The following NFIA variants were observed in gnomAD, a reference collection of about 807,000 sequenced individuals.
The protein encoded by NFIA is nuclear factor 1 A-type.
NFIA carries 8 observed loss-of-function variants against 62.8 expected under a neutral mutation model. The ratio of observed to expected loss-of-function variants is 0.13; its 90% CI spans 0.07 to 0.23. The LOEUF is 0.23. Among genes scored for constraint, NFIA ranks in the 10% least tolerant of loss-of-function variants. The probability of loss-of-function intolerance (pLI) is 1.00; values close to 1 mark genes in which losing one functional copy is unlikely to be tolerated. For synonymous variants in NFIA, 235 were observed against 238.1 expected, an observed-to-expected ratio of 0.99 and a Z score of 0.12; for missense variants, 410 against 642.1, an observed-to-expected ratio of 0.64 and a Z score of 3.91.
intron 2 of NFIA, among the ~76,000 whole-genome samples, chr1:61,173,452 A>G (rs1381534834): frequency 6.6e-6 from 1 of 151,978 alleles, no homozygotes; most frequent in African/African-American, 2.4e-5. Context: ...CAGTGGCGTG[A>G]TCTCGGCTCA....
At chr1:61,338,265 C>T (rs1012371378) in intron 4 of NFIA, among the ~76,000 whole-genome samples, 1 of 152,144 alleles carries the variant, frequency 6.6e-6, no homozygotes, top group African/African-American at 2.4e-5. Flanking sequence ...TATTAAAATC[C>T]GGCAGCTGAA....
At chr1:61,321,647 C>G (rs1206670022) in intron 3 of NFIA, among the ~76,000 whole-genome samples, 1 of 151,792 alleles carries the variant, frequency 6.6e-6, no homozygotes, top group Non-Finnish European at 1.5e-5. Context: ...TTTTTAACCC[C>G]TCATTTTTTT....
At chr1:61,354,886 A>G (rs1335769620) in intron 5 of NFIA, among the ~76,000 whole-genome samples, 1 of 152,238 alleles carries the variant, frequency 6.6e-6, no homozygotes, top group Non-Finnish European at 1.5e-5. Flanking sequence ...AGCGAACGTT[A>G]TTAGTAAGAA....
rs1034091785 is a variant in NFIA at position 61,371,644 on chromosome 1, TC to T, written c.947-11591del. 4.6e-5 allele frequency among the ~76,000 whole-genome samples: 7 copies of T among 152,320 alleles called. No individual in the cohort carries two copies. In the South Asian group the frequency reaches 8.3e-4, roughly 18 times the overall value. ...AAAGCTATAGACATAGATAAAGTCTTCCTTGAGGGAGCAATTCAGTAAATAA... is the reference window on the plus strand; with the variant it reads ...AAAGCTATAGACATAGATAAAGTCTTCTTGAGGGAGCAATTCAGTAAATAA... On this transcript the variant is annotated intron_variant, in intron 6 of 10. Transcript: ENST00000403491.
chr1:61,419,591 T>C (rs563925744), intron 9 of NFIA, among the ~76,000 whole-genome samples: 2 of 152,278 alleles, frequency 1.3e-5, no homozygotes, highest in East Asian at 3.9e-4. Flanking sequence ...TGAATTCTCT[T>C]GCACCTCCCT....
chr1:61,130,461 G>A (rs2100488962), intron 2 of NFIA, among the ~76,000 whole-genome samples: 1 of 152,336 alleles, frequency 6.6e-6, no homozygotes. Context: ...GAAAGTTAAT[G>A]AGTAGAAAAG....
At chr1:61,384,152 TC>T (rs1664565952) in intron 7 of NFIA, among the ~76,000 whole-genome samples, 1 of 152,220 alleles carries the variant, frequency 6.6e-6, no homozygotes, top group Non-Finnish European at 1.5e-5. Flanking sequence ...ATGTTTGCTT[TC>T]CTTTATCAGA....
At chr1:61,103,267 T>C in intron 2 of NFIA, among the ~76,000 whole-genome samples, 1 of 152,132 alleles carries the variant, frequency 6.6e-6, no homozygotes, top group Non-Finnish European at 1.5e-5. Flanking sequence ...TGCACGCATA[T>C]TTTTGTTTTA....
In NFIA at chr1:61,230,969, T is replaced by C. The variant is rs965943975; in HGVS notation, c.560-46551T>C. Among the ~76,000 whole-genome samples the C allele has an allele frequency of 3.3e-5, 5 of 152,210 alleles. No individual in the cohort carries two copies. In the South Asian group the frequency reaches 6.2e-4, roughly 19 times the overall value. On this transcript the variant is annotated intron_variant, in intron 2 of 10. Transcript: ENST00000403491. The stretch of plus-strand genomic sequence containing the variant: ...ACTTGGAAAACCATTCCACACACTT[T>C]CTTGCAGTTAGGGACTTACCTTCCC...
chr1:61,118,695 T>C (rs974127517), intron 2 of NFIA, among the ~76,000 whole-genome samples: 18 of 66,842 alleles, frequency 2.7e-4, no homozygotes, highest in Admixed American at 8.0e-4. Context: ...TGTGTGTGTG[T>C]GTGTGTGTGT....
intron 2 of NFIA, among the ~76,000 whole-genome samples, chr1:61,129,866 G>A (rs1407597366): frequency 6.6e-6 from 1 of 152,156 alleles, no homozygotes; most frequent in African/African-American, 2.4e-5. Context: ...AATAAAGTTA[G>A]AGATGTGGGG....
Position 61,455,343 on chromosome 1 carries a change from A to G in NFIA, c.*23A>G. On this transcript the variant is annotated 3_prime_UTR_variant, in exon 11 of 11. Transcript: ENST00000403491. ...TAAAAGTTGCAGCGTCCCACCATCC[A>G]CCAGACAGACCACCTGACCCCTTCT... 1 of 1,614,082 alleles carries G rather than the reference A, an allele frequency of 6.2e-7. No homozygotes were observed. Among genetic ancestry groups the G allele is most frequent in the South Asian group, 1.1e-5 (1 of 91,078 alleles).
upstream of NFIA, among the ~76,000 whole-genome samples, chr1:61,080,104 T>C (rs186251239): frequency 2.0e-5 from 3 of 152,216 alleles, no homozygotes; most frequent in Admixed American, 2.0e-4. Flanking sequence ...TGAACTTGGA[T>C]CCAGCCCTTG....
intron 4 of NFIA, among the ~76,000 whole-genome samples, chr1:61,345,995 A>T (rs1662208770): frequency 6.6e-6 from 1 of 152,158 alleles, no homozygotes; most frequent in African/African-American, 2.4e-5. Flanking sequence ...AGGCCCAAAG[A>T]GTTCCAGTGA....
intron 2 of NFIA, among the ~76,000 whole-genome samples, chr1:61,091,320 TA>T (rs1646316888): frequency 6.6e-6 from 1 of 152,036 alleles, no homozygotes; most frequent in South Asian, 2.1e-4. Context: ...GTGAGAATAC[TA>T]GAAGCAAATG....
At chr1:61,425,652 A>T (rs902992013) in intron 9 of NFIA, among the ~76,000 whole-genome samples, 7 of 152,256 alleles carry the variant, frequency 4.6e-5, no homozygotes, top group Non-Finnish European at 8.8e-5. Flanking sequence ...AGCCAGTGAA[A>T]CAACAAAGCC....
chr1:61,084,671 G>C (rs1646186831), intron 1 of NFIA, among the ~76,000 whole-genome samples: 1 of 152,138 alleles, frequency 6.6e-6, no homozygotes, highest in African/African-American at 2.4e-5. Context: ...CTGCAATAAA[G>C]GGAAAGGACC....
chr1:61,455,400 A>T lies in NFIA; in HGVS notation c.*80A>T. On this transcript the variant is annotated 3_prime_UTR_variant, in exon 11 of 11. Coordinates refer to ENST00000403491, the MANE Select transcript of NFIA (RefSeq NM_001134673.4). ...TGTAACATGGACGCAACCTCAACCCAGCGCAGTTACAACTTCACTATCAGC... is the reference window on the plus strand; with the variant it reads ...TGTAACATGGACGCAACCTCAACCCTGCGCAGTTACAACTTCACTATCAGC... The T allele has an allele frequency of 1.2e-6, 2 of 1,610,166 alleles. No homozygotes were observed. The highest frequency in any genetic ancestry group is 1.7e-6 in the Non-Finnish European group (2 of 1,178,482).
At chr1:61,170,912 T>TA (rs56336067) in intron 2 of NFIA, among the ~76,000 whole-genome samples, 2 of 152,050 alleles carry the variant, frequency 1.3e-5, no homozygotes, top group South Asian at 2.1e-4. Context: ...TTCAGTTTCA[T>TA]AAAAAAAAAA....
Sources: allele counts gnomAD v4.1 joint callset (sites outside exome capture counted in the v4.1 genomes callset), GRCh38; gene constraint gnomAD v4.1.1; transcripts MANE v1.5; gene names NCBI Gene and HGNC (gene_info 2026-07-23, HGNC 2026-07-21).